The following TINAG variants were observed in gnomAD, a reference collection of about 807,000 sequenced individuals.
TINAG encodes the protein tubulointerstitial nephritis antigen.
Under a neutral mutation model 72.7 loss-of-function variants are expected in TINAG, and 83 were observed. The observed-to-expected ratio is 1.14, with a 90% CI of 0.96 to 1.37. The LOEUF is 1.37. Among genes scored for constraint, TINAG ranks in the 40% most tolerant of loss-of-function variants. The probability of loss-of-function intolerance (pLI) is 0.00; values close to 1 mark genes in which losing one functional copy is unlikely to be tolerated. For synonymous variants in TINAG, 234 were observed against 189.9 expected, an observed-to-expected ratio of 1.23 and a Z score of -1.91; for missense variants, 685 against 576.6, an observed-to-expected ratio of 1.19 and a Z score of -1.93.
chr6:54,314,432 C>T (rs184856966), intron 1 of TINAG, among the ~76,000 whole-genome samples: 2 of 152,240 alleles, frequency 1.3e-5, no homozygotes, highest in Non-Finnish European at 2.9e-5. Flanking sequence ...ATGAGCACCT[C>T]TGTTTTATTT....
chr6:54,357,606 T>A (rs1000305850), intron 9 of TINAG, among the ~76,000 whole-genome samples: 1 of 151,938 alleles, frequency 6.6e-6, no homozygotes, highest in African/African-American at 2.4e-5. Context: ...CTTGGAGTCA[T>A]CCTTTATTCC....
chr6:54,339,041 A>T (rs948277107), intron 4 of TINAG, among the ~76,000 whole-genome samples: 1 of 152,158 alleles, frequency 6.6e-6, no homozygotes, highest in South Asian at 2.1e-4. Flanking sequence ...CCATTTTCAG[A>T]TGCATATTTT....
intron 9 of TINAG, among the ~76,000 whole-genome samples, chr6:54,363,583 G>T (rs967690754): frequency 1.4e-5 from 2 of 146,624 alleles, no homozygotes; most frequent in African/African-American, 5.1e-5. Context: ...TCATAGTTTA[G>T]AGATGTTTTT....
chr6:54,326,204 C>A (rs1262760622), intron 3 of TINAG, among the ~76,000 whole-genome samples: 1 of 151,722 alleles, frequency 6.6e-6, no homozygotes, highest in Non-Finnish European at 1.5e-5. Context: ...ACTTTCACAT[C>A]AACTGATTTT....
chr6:54,370,410 A>G (rs922941140), intron 9 of TINAG, among the ~76,000 whole-genome samples: 3 of 152,004 alleles, frequency 2.0e-5, no homozygotes, highest in Non-Finnish European at 2.9e-5. Flanking sequence ...TACAAAGTGA[A>G]AAAAATGCAA....
chr6:54,381,606 C>T (rs938500958), intron 10 of TINAG, among the ~76,000 whole-genome samples: 1 of 151,914 alleles, frequency 6.6e-6, no homozygotes, highest in Non-Finnish European at 1.5e-5. Context: ...TAGAAGGATT[C>T]TTCTTTATAT....
intron 8 of TINAG, among the ~76,000 whole-genome samples, chr6:54,352,049 A>G (rs528855692): frequency 6.6e-6 from 1 of 151,922 alleles, no homozygotes; most frequent in African/African-American, 2.4e-5. Context: ...TGCATCAATG[A>G]CCTGAATAAG....
chr6:54,379,655 G>A (rs1394723713), intron 9 of TINAG, among the ~76,000 whole-genome samples: 3 of 152,092 alleles, frequency 2.0e-5, no homozygotes, highest in African/African-American at 7.2e-5. Context: ...AGGTAGAGTG[G>A]TAGATTTGTT....
chr6:54,371,230 T>C (rs1262613023), intron 9 of TINAG, among the ~76,000 whole-genome samples: 1 of 151,934 alleles, frequency 6.6e-6, no homozygotes, highest in African/African-American at 2.4e-5. Flanking sequence ...AGAACGAGGA[T>C]ACTGGGGTCA....
At chr6:54,382,016 T>C (rs1763966464) in intron 10 of TINAG, among the ~76,000 whole-genome samples, 1 of 152,114 alleles carries the variant, frequency 6.6e-6, no homozygotes, top group South Asian at 2.1e-4. Context: ...CACACACACA[T>C]ACACATACGC....
At chr6:54,337,604 TCTC>T (rs1305497811) in intron 4 of TINAG, among the ~76,000 whole-genome samples, 5 of 152,122 alleles carry the variant, frequency 3.3e-5, no homozygotes, top group Non-Finnish European at 5.9e-5. Context: ...TGAACAAACA[TCTC>T]CTACCTGATT....
chr6:54,312,387 T>C (rs1449424459), intron 1 of TINAG, among the ~76,000 whole-genome samples: 1 of 152,166 alleles, frequency 6.6e-6, no homozygotes, highest in Non-Finnish European at 1.5e-5. Context: ...CATATCCTAC[T>C]GGCAATTTTT....
rs578118540 is a variant in TINAG at position 54,330,323 on chromosome 6, A to G, written c.624+3407A>G. Among the ~76,000 whole-genome samples the G allele has an allele frequency of 5.9e-5, 9 of 152,332 alleles. No individual in the cohort carries two copies. The South Asian group carries it at 1.9e-3, about 32-fold the overall frequency. ...AACTCACTCCAAACTGCACAACTAC[A>G]TGGAAACTGAACAACCGATTCCTGA... On this transcript the variant is annotated intron_variant, in intron 4 of 10. Coordinates refer to ENST00000259782, the MANE Select transcript of TINAG (RefSeq NM_014464.4).
chr6:54,307,999 C>T (rs1202319547), upstream of TINAG: 1 of 1,538,906 alleles, frequency 6.5e-7, no homozygotes, highest in African/African-American at 1.4e-5. Context: ...GGAAATCAAA[C>T]CAGTGTGTGA....
At chr6:54,389,652 T>A in intron 10 of TINAG, 139 bp from the exon 11 acceptor site, 3 of 1,062,302 alleles carry the variant, frequency 2.8e-6, no homozygotes, top group Non-Finnish European at 3.9e-6. Flanking sequence ...AACCATTATT[T>A]AAAAATAGGT....
intron 4 of TINAG, among the ~76,000 whole-genome samples, chr6:54,338,007 T>G (rs990446442): frequency 3.9e-5 from 6 of 152,214 alleles, no homozygotes; most frequent in Admixed American, 1.3e-4. Context: ...GTCAAACTTG[T>G]GTTTCTTTCT....
At chr6:54,369,678 AACTGTT>A (rs1385852848) in intron 9 of TINAG, among the ~76,000 whole-genome samples, 3 of 151,984 alleles carry the variant, frequency 2.0e-5, no homozygotes, top group Non-Finnish European at 4.4e-5. Flanking sequence ...AGTTAGCAAC[AACTGTT>A]ACTATTTTAA....
rs2297984 is a variant in TINAG, at chr6:54,320,994, C to T, written c.420-303C>T. ...ATAAAAACAGGCTGCTTTAAAAGGA[C>T]TAGCCTGCAGAAAGTTTCCAAATAC... On this transcript the variant is annotated intron_variant, in intron 2 of 10. Transcript: ENST00000259782. Among the ~76,000 whole-genome samples the T allele has an allele frequency of 9.9e-3, 1,504 of 152,210 alleles. 37 individuals are homozygous for T. Among genetic ancestry groups the T allele is most frequent in the East Asian group, 0.063 (324 of 5,172 alleles).
intron 9 of TINAG, among the ~76,000 whole-genome samples, chr6:54,360,595 A>G (rs1212871000): frequency 2.0e-5 from 3 of 151,540 alleles, no homozygotes; most frequent in African/African-American, 7.3e-5. Flanking sequence ...TTTAATCCCC[A>G]AGTCTCAAGT....
Sources: allele counts gnomAD v4.1 joint callset (sites outside exome capture counted in the v4.1 genomes callset), GRCh38; gene constraint gnomAD v4.1.1; transcripts MANE v1.5; gene names NCBI Gene and HGNC (gene_info 2026-07-23, HGNC 2026-07-21).